MTMR12: variants seen among roughly 807,000 people sequenced by gnomAD.
MTMR12 encodes the protein myotubularin-related protein 12.
Under a neutral mutation model 96.7 loss-of-function variants are expected in MTMR12, and 33 were observed. That is an observed-to-expected ratio of 0.34 (90% CI 0.26 to 0.46). MTMR12 has a LOEUF of 0.46. Ranked by LOEUF, MTMR12 falls within the 20% of genes least tolerant of loss-of-function variation. The probability of loss-of-function intolerance (pLI) is 1.00; values close to 1 mark genes in which losing one functional copy is unlikely to be tolerated. For missense variants in MTMR12, 721 were observed against 896.1 expected (o/e 0.80, Z 2.49); for synonymous variants, 298 against 327.2 (o/e 0.91, Z 0.96).
chr5:32,260,729 C>T (rs947289167), intron 7 of MTMR12, among the ~76,000 whole-genome samples: 7 of 120,462 alleles, frequency 5.8e-5, no homozygotes, highest in South Asian at 3.1e-4. Flanking sequence ...CACTGCAGGG[C>T]GGGGGGGAGG....
rs1451474016 is a variant in MTMR12 at position 32,233,978 on chromosome 5, G to T, written c.1513-44C>A. 6.2e-7 allele frequency: 1 copy of T among 1,610,916 alleles called. No individual in the cohort carries two copies. Among genetic ancestry groups the T allele is most frequent in the Admixed American group, 1.7e-5 (1 of 59,790 alleles). ...GTCATGCTGTTTTCCAGGGAGGGCT[G>T]AGGAAGGCAAACACATACTTCTGGA... On this transcript the variant is annotated intron_variant, in intron 14 of 15. Transcript: ENST00000382142. This position sits in a 1 kb window ranked among gnomAD's most constrained non-coding sequence, Gnocchi z 5.0.
At chr5:32,290,688 T>A (rs532515086) in intron 1 of MTMR12, among the ~76,000 whole-genome samples, 2 of 152,334 alleles carry the variant, frequency 1.3e-5, no homozygotes, top group East Asian at 3.9e-4. Flanking sequence ...GCTCTGCCAC[T>A]TGGGCCACAA....
At chr5:32,262,850 TTCCA>T (rs1749420586) in intron 7 of MTMR12, among the ~76,000 whole-genome samples, 1 of 152,332 alleles carries the variant, frequency 6.6e-6, no homozygotes, top group South Asian at 2.1e-4. Context: ...TATGATATGA[TTCCA>T]TTTATATGAA....
chr5:32,244,743 C>T (rs754686475), intron 10 of MTMR12, among the ~76,000 whole-genome samples: 15 of 152,182 alleles, frequency 9.9e-5, no homozygotes, highest in Non-Finnish European at 1.6e-4. Context: ...AAGAGTCATA[C>T]ATTGCTGTTT....
intron 8 of MTMR12, among the ~76,000 whole-genome samples, chr5:32,252,517 A>G (rs746941052): frequency 1.3e-5 from 2 of 152,332 alleles, no homozygotes; most frequent in South Asian, 4.1e-4. Flanking sequence ...CCTAGAGAAA[A>G]TGTATGTACA....
At chr5:32,305,249 C>T (rs948174942) in intron 1 of MTMR12, among the ~76,000 whole-genome samples, 6 of 151,974 alleles carry the variant, frequency 3.9e-5, no homozygotes, top group African/African-American at 9.7e-5. Flanking sequence ...CTACCACGCC[C>T]GGCTAATTTT....
At chr5:32,238,968 A>G (rs772904611) in intron 13 of MTMR12, 33 bp downstream of exon 13, 27 of 1,532,302 alleles carry the variant, frequency 1.8e-5, no homozygotes, top group African/African-American at 4.1e-5. Flanking sequence ...AGTTCTCCCT[A>G]TGACGGAAAC....
At chr5:32,283,016 G>A (rs964161795) in intron 1 of MTMR12, among the ~76,000 whole-genome samples, 6 of 152,330 alleles carry the variant, frequency 3.9e-5, no homozygotes, top group African/African-American at 1.4e-4. Flanking sequence ...AGGTACGAGA[G>A]CACCCGTATC....
intron 1 of MTMR12, among the ~76,000 whole-genome samples, chr5:32,292,627 T>A (rs1750776670): frequency 6.6e-6 from 1 of 152,142 alleles, no homozygotes; most frequent in African/African-American, 2.4e-5. Flanking sequence ...ATACAGGAGA[T>A]CCATTAGGGC....
intron 1 of MTMR12, among the ~76,000 whole-genome samples, chr5:32,292,759 GAA>G (rs57298697): frequency 0.42 from 64,185 of 151,722 alleles, 13,851 homozygotes; most frequent in East Asian, 0.58. Context: ...CTCCACTAGG[GAA>G]AAAAAACCAC....
At chr5:32,275,670 C>T (rs562548267) in intron 2 of MTMR12, among the ~76,000 whole-genome samples, 4 of 152,160 alleles carry the variant, frequency 2.6e-5, no homozygotes, top group Admixed American at 6.5e-5. Context: ...GTGAACTCAC[C>T]GCTGCACACC....
chr5:32,292,105 C>G (rs754631878), intron 1 of MTMR12, among the ~76,000 whole-genome samples: 4 of 152,190 alleles, frequency 2.6e-5, no homozygotes, highest in Non-Finnish European at 4.4e-5. Context: ...TACCATGTTC[C>G]CTATCATCCT....
chr5:32,236,083 A>G (rs1748216156), intron 13 of MTMR12, among the ~76,000 whole-genome samples: 1 of 152,234 alleles, frequency 6.6e-6, no homozygotes, highest in Admixed American at 6.5e-5. Context: ...ATATCATTAA[A>G]TAGAGTGGAA....
At chr5:32,237,610 A>T (rs1008173360) in intron 13 of MTMR12, among the ~76,000 whole-genome samples, 15 of 151,914 alleles carry the variant, frequency 9.9e-5, no homozygotes, top group Admixed American at 2.0e-4. Context: ...TCCCGGGTTT[A>T]AGTGATTCTC....
Position 32,312,106 on chromosome 5 carries a change from T to A in MTMR12, c.81+652A>T, listed in dbSNP as rs1044118721. ...GTATTTTCTGAATGAATGAACAAAT[T>A]TCTTGACCTGAAGATTCAGAAGAGT... On this transcript the variant is annotated intron_variant, in intron 1 of 15. Coordinates refer to ENST00000382142, the MANE Select transcript of MTMR12 (RefSeq NM_001040446.3). This position sits in a 1 kb window ranked among gnomAD's most constrained non-coding sequence, Gnocchi z 5.0. 6.6e-6 allele frequency among the ~76,000 whole-genome samples: 1 copy of A among 152,188 alleles called. No individual in the cohort carries two copies. The highest frequency in any genetic ancestry group is 1.5e-5 in the Non-Finnish European group (1 of 68,038).
intron 4 of MTMR12, among the ~76,000 whole-genome samples, chr5:32,271,286 A>G (rs1749820754): frequency 6.6e-6 from 1 of 152,224 alleles, no homozygotes; most frequent in Non-Finnish European, 1.5e-5. Context: ...TGCTTTCATG[A>G]CAGTCAACTC....
intron 1 of MTMR12, among the ~76,000 whole-genome samples, chr5:32,286,912 C>G (rs1254100060): frequency 6.6e-6 from 1 of 152,174 alleles, no homozygotes; most frequent in African/African-American, 2.4e-5. Flanking sequence ...TGCACCTGCT[C>G]TCTTCCACGC....
Position 32,235,087 on chromosome 5 carries a change from C to G in MTMR12, c.1387G>C (p.Val463Leu). The change falls in exon 14 of 16, where the codon GTG becomes CTG. Residue 463 changes from valine (V) to leucine (L), a missense_variant. By Grantham distance (32) the Val-to-Leu change is conservative. Transcript: ENST00000382142. Reference protein sequence around the residue: ...LLFLDCVWQLVHQHPPAFEFT... With the variant: ...LLFLDCVWQLLHQHPPAFEFT... ...TCAAATGCCGGGGGATGCTGGTGCA[C>G]CAGCTGCCAGACACAATCTAGGAAA... 1.2e-6 allele frequency: 2 copies of G among 1,613,980 alleles called. No individual in the cohort carries two copies. Among genetic ancestry groups the G allele is most frequent in the Non-Finnish European group, 1.7e-6 (2 of 1,179,946 alleles).
intron 13 of MTMR12, among the ~76,000 whole-genome samples, chr5:32,238,794 G>C (rs976250487): frequency 2.0e-5 from 3 of 152,282 alleles, no homozygotes; most frequent in Middle Eastern, 3.4e-3. Context: ...GAACATACTT[G>C]TTAATATCTC....
Sources: allele counts gnomAD v4.1 joint callset (sites outside exome capture counted in the v4.1 genomes callset), GRCh38; gene constraint gnomAD v4.1.1; non-coding constraint Gnocchi (gnomAD v3.1); transcripts MANE v1.5; gene names NCBI Gene and HGNC (gene_info 2026-07-23, HGNC 2026-07-21).